TENM3: variants seen among roughly 807,000 people sequenced by gnomAD.
The protein encoded by TENM3 is teneurin-3.
A neutral mutation model predicts 255.1 loss-of-function variants in TENM3; 63 were observed. The observed-to-expected ratio is 0.25, with a 90% CI of 0.20 to 0.30. TENM3 has a LOEUF of 0.30. TENM3 is among the 10% of genes least tolerant of loss of function. The pLI, the probability that TENM3 is intolerant of heterozygous loss-of-function variation, is 1.00. For missense variants in TENM3, 2,929 were observed against 3,461.1 expected (o/e 0.85, Z 3.86); for synonymous variants, 1,306 against 1,322.3 (o/e 0.99, Z 0.27).
chr4:182,603,115 A>T (rs1160121308), intron 4 of TENM3, among the ~76,000 whole-genome samples: 1 of 152,148 alleles, frequency 6.6e-6, no homozygotes, highest in Non-Finnish European at 1.5e-5. Flanking sequence ...ATTTTGATTG[A>T]TGAGACTTTA....
chr4:182,462,968 C>A (rs1297223256), intron 3 of TENM3, among the ~76,000 whole-genome samples: 1 of 152,066 alleles, frequency 6.6e-6, no homozygotes, highest in African/African-American at 2.4e-5. Flanking sequence ...CAGGACTCCC[C>A]TCCTCCTACA....
At chr4:182,633,702 G>A (rs960547768) in intron 5 of TENM3, among the ~76,000 whole-genome samples, 5 of 152,228 alleles carry the variant, frequency 3.3e-5, no homozygotes, top group African/African-American at 7.2e-5. Flanking sequence ...ACCTTAGGAG[G>A]TTTCTTCTTT....
chr4:182,403,385 T>C (rs1769334240), intron 3 of TENM3, among the ~76,000 whole-genome samples: 1 of 152,236 alleles, frequency 6.6e-6, no homozygotes, highest in Admixed American at 6.5e-5. Context: ...CTCTGACTGC[T>C]ATACCTTGTA....
At chr4:182,340,763 C>A in intron 2 of TENM3, among the ~76,000 whole-genome samples, 1 of 152,172 alleles carries the variant, frequency 6.6e-6, no homozygotes, top group East Asian at 1.9e-4. Flanking sequence ...ATTCAACAAG[C>A]ACCTAATAAG....
At chr4:182,745,146 A>G (rs1450963631) in intron 19 of TENM3, among the ~76,000 whole-genome samples, 1 of 152,230 alleles carries the variant, frequency 6.6e-6, no homozygotes, top group Non-Finnish European at 1.5e-5. Context: ...TGATTAGCAA[A>G]CAAAAACCAA....
the TENM3 span, among the ~76,000 whole-genome samples, chr4:181,590,900 A>G: frequency 6.6e-5 from 10 of 152,208 alleles, no homozygotes; most frequent in African/African-American, 2.4e-4. Flanking sequence ...ATGGATAGAG[A>G]TGGATATGAT....
chr4:182,175,846 C>A (rs1382855878), intron 1 of TENM3, among the ~76,000 whole-genome samples: 1 of 152,170 alleles, frequency 6.6e-6, no homozygotes, highest in Non-Finnish European at 1.5e-5. Flanking sequence ...GCATGCGGAA[C>A]ACTGGGATGA....
At chr4:181,613,002 C>A in the TENM3 span, among the ~76,000 whole-genome samples, 1 of 152,160 alleles carries the variant, frequency 6.6e-6, no homozygotes, top group Non-Finnish European at 1.5e-5. Flanking sequence ...CTCTACATGG[C>A]AACTTTTAAA....
At chr4:182,434,988 C>T (rs1183728464) in intron 3 of TENM3, among the ~76,000 whole-genome samples, 1 of 152,138 alleles carries the variant, frequency 6.6e-6, no homozygotes, top group Non-Finnish European at 1.5e-5. Flanking sequence ...ACGGGAATTG[C>T]CAGGACACAA....
the TENM3 span, among the ~76,000 whole-genome samples, chr4:181,644,465 A>C: frequency 6.6e-6 from 1 of 151,958 alleles, no homozygotes; most frequent in African/African-American, 2.4e-5. Flanking sequence ...GGCATTTCAC[A>C]TGAGCCTCCT....
the TENM3 span, among the ~76,000 whole-genome samples, chr4:181,733,200 A>G: frequency 7.2e-5 from 11 of 152,220 alleles, no homozygotes; most frequent in African/African-American, 2.7e-4. Flanking sequence ...TGACTTCTGA[A>G]GACAGATAAA....
the TENM3 span, among the ~76,000 whole-genome samples, chr4:181,590,274 A>G: frequency 1.3e-5 from 2 of 152,108 alleles, no homozygotes; most frequent in African/African-American, 4.8e-5. Context: ...TCCTGGGAAA[A>G]AGCATCAGTG....
intron 3 of TENM3, among the ~76,000 whole-genome samples, chr4:182,460,247 A>G (rs1352124151): frequency 2.0e-5 from 3 of 152,168 alleles, no homozygotes; most frequent in Non-Finnish European, 2.9e-5. Flanking sequence ...CAATACATTG[A>G]ATTATTTATC....
the TENM3 span, among the ~76,000 whole-genome samples, chr4:181,641,771 TAC>T: frequency 1.7e-5 from 2 of 116,578 alleles, no homozygotes; most frequent in African/African-American, 6.7e-5. Context: ...TATATATATA[TAC>T]ATACACACAC....
chr4:182,323,530 G>C (rs982154612), intron 1 of TENM3, among the ~76,000 whole-genome samples: 10 of 151,834 alleles, frequency 6.6e-5, no homozygotes, highest in Admixed American at 5.2e-4. Flanking sequence ...AATAGTGTAC[G>C]TTTATAAGAA....
At chr4:182,274,942 G>A (rs554297804) in intron 1 of TENM3, among the ~76,000 whole-genome samples, 3 of 151,980 alleles carry the variant, frequency 2.0e-5, no homozygotes, top group South Asian at 2.1e-4. Flanking sequence ...CTCCCACCTC[G>A]GCCTCCCGCA....
At chr4:182,021,073 C>A in the TENM3 span, among the ~76,000 whole-genome samples, 1 of 152,056 alleles carries the variant, frequency 6.6e-6, no homozygotes. Flanking sequence ...CCCACAGGAA[C>A]TTTTTCAACC....
chr4:181,675,457 T>C, the TENM3 span, among the ~76,000 whole-genome samples: 1 of 152,178 alleles, frequency 6.6e-6, no homozygotes. Flanking sequence ...TACTATCTGT[T>C]GCAATTTGGG....
At chr4:182,372,474 A>G (rs1221591425) in intron 3 of TENM3, among the ~76,000 whole-genome samples, 1 of 152,106 alleles carries the variant, frequency 6.6e-6, no homozygotes, top group Non-Finnish European at 1.5e-5. Flanking sequence ...AATTCCTTCT[A>G]TTTCTTCCAT....
Sources: gnomAD v4.1 joint callset for allele counts (sites outside exome capture counted in the v4.1 genomes callset) on GRCh38, gnomAD v4.1.1 for gene constraint, MANE v1.5 for transcripts, NCBI Gene and HGNC (gene_info 2026-07-23, HGNC 2026-07-21) for gene names.